Variants in CSMD3 observed in about 807,000 individuals in gnomAD.
CSMD3 encodes CUB and sushi domain-containing protein 3.
In CSMD3, 177 loss-of-function variants were observed where a neutral mutation model predicts 435.2. The ratio of observed to expected loss-of-function variants is 0.41; its 90% confidence interval spans 0.36 to 0.46. CSMD3 has a LOEUF of 0.46. CSMD3 is among the 20% of genes least tolerant of loss of function. The pLI, the probability that CSMD3 is intolerant of heterozygous loss-of-function variation, is 0.34. For synonymous variants in CSMD3, 1,656 were observed against 1,520.5 expected (o/e 1.09, Z -2.07); for missense variants, 4,265 against 4,504.6 (o/e 0.95, Z 1.52).
intron 59 of CSMD3, among the ~76,000 whole-genome samples, chr8:112,274,205 A>T (rs1451836791): frequency 2.7e-5 from 4 of 145,718 alleles, no homozygotes; most frequent in African/African-American, 5.1e-5. Context: ...GAACCAAAAG[A>T]AAAAAAAAAA....
chr8:112,406,348 C>T lies in CSMD3; in HGVS notation c.5809+176G>A, dbSNP rs1239531947. 2.6e-5 allele frequency among the ~76,000 whole-genome samples: 4 copies of T among 151,894 alleles called. No homozygotes were observed. The East Asian group carries it at 7.7e-4, about 29-fold the overall frequency. The stretch of plus-strand genomic sequence containing the variant: ...ACAAATTTTTTTATTGATTTCATCA[C>T]CAAGACAATTGCAACAAATCTCCAC... On this transcript the variant is annotated intron_variant, in intron 35 of 70. Transcript: ENST00000297405.
chr8:112,289,020 G>T (rs760428837), intron 57 of CSMD3, among the ~76,000 whole-genome samples: 1 of 152,130 alleles, frequency 6.6e-6, no homozygotes, highest in East Asian at 1.9e-4. Context: ...ATTATATGTG[G>T]TATCTGCTAA....
chr8:112,601,070 T>G (rs1162470177), intron 22 of CSMD3, among the ~76,000 whole-genome samples: 5 of 152,174 alleles, frequency 3.3e-5, no homozygotes, highest in Middle Eastern at 6.8e-3. Context: ...AGAGATTCAT[T>G]ATTCTTGGAA....
chr8:112,723,253 GA>G (rs1161910254), intron 13 of CSMD3, among the ~76,000 whole-genome samples: 1 of 152,036 alleles, frequency 6.6e-6, no homozygotes, highest in Non-Finnish European at 1.5e-5. Context: ...ATTTTCTTAT[GA>G]ATTTTCTTGC....
rs566213131 is a variant in CSMD3, at chr8:112,280,752, C to T, written c.9508+422G>A. Among the ~76,000 whole-genome samples, 10 of 152,150 alleles carry T rather than the reference C, an allele frequency of 6.6e-5. No homozygotes were observed. In the East Asian group the frequency reaches 9.6e-4, roughly 15 times the overall value. On this transcript the variant is annotated intron_variant, in intron 59 of 70. Transcript: ENST00000297405. ...CATAACAAGAGAGCAAATCAGTTATCGAGACTCACTACGACAGTGCAAGAA... is the reference window on the plus strand; with the variant it reads ...CATAACAAGAGAGCAAATCAGTTATTGAGACTCACTACGACAGTGCAAGAA...
chr8:112,843,894 A>T (rs2080248092), intron 11 of CSMD3, among the ~76,000 whole-genome samples: 1 of 151,746 alleles, frequency 6.6e-6, no homozygotes, highest in South Asian at 2.1e-4. Context: ...TTATATTAAT[A>T]TTATTATTTG....
intron 1 of CSMD3, among the ~76,000 whole-genome samples, chr8:113,406,552 G>C (rs1320343535): frequency 6.6e-6 from 1 of 151,944 alleles, no homozygotes; most frequent in African/African-American, 2.4e-5. Flanking sequence ...GTGGGTTGTA[G>C]TCTAAATAGT....
intron 22 of CSMD3, among the ~76,000 whole-genome samples, chr8:112,628,230 T>G (rs1023898052): frequency 1.3e-5 from 2 of 152,206 alleles, no homozygotes; most frequent in African/African-American, 4.8e-5. Flanking sequence ...TGTTAAGCTC[T>G]GAATTTTACT....
chr8:112,349,388 C>T (rs886107519), intron 40 of CSMD3, among the ~76,000 whole-genome samples: 44 of 152,024 alleles, frequency 2.9e-4, no homozygotes, highest in African/African-American at 1.0e-3. Flanking sequence ...TATCCCAAGC[C>T]TTTACATTAA....
chr8:112,706,526 G>A (rs1000430077), intron 13 of CSMD3, among the ~76,000 whole-genome samples: 49 of 152,046 alleles, frequency 3.2e-4, no homozygotes, highest in Non-Finnish European at 1.5e-4. Flanking sequence ...GAGGTAGCTC[G>A]TGACTTTTTA....
At chr8:112,728,604 C>T (rs1211168434) in intron 13 of CSMD3, among the ~76,000 whole-genome samples, 1 of 151,862 alleles carries the variant, frequency 6.6e-6, no homozygotes, top group African/African-American at 2.4e-5. Context: ...GCTAGCCAAG[C>T]CCCTTCTTCT....
At chr8:112,601,898 T>C (rs1044446550) in intron 22 of CSMD3, among the ~76,000 whole-genome samples, 1 of 152,176 alleles carries the variant, frequency 6.6e-6, no homozygotes, top group African/African-American at 2.4e-5. Flanking sequence ...TCCTAAACCA[T>C]AGGTATTAGG....
At chr8:113,376,573 T>G (rs561272963) in intron 1 of CSMD3, 1 of 688,658 alleles carries the variant, frequency 1.5e-6, no homozygotes, top group East Asian at 3.0e-5. Context: ...AATAAACTAA[T>G]ATATAAAAAA....
In CSMD3 at chr8:113,323,468, C is replaced by A. The variant is rs568322735; in HGVS notation, c.179-8675G>T. 4.6e-5 allele frequency among the ~76,000 whole-genome samples: 7 copies of A among 152,256 alleles called. 1 individual carries two copies. The South Asian group carries it at 1.4e-3, about 32-fold the overall frequency. On this transcript the variant is annotated intron_variant, in intron 1 of 70. Coordinates refer to ENST00000297405, the MANE Select transcript of CSMD3 (RefSeq NM_198123.2). ...AGCTCCAAATTTGTTCAAGGCTCAACCTGATCCTGTTAGAATCAAGTTTAA... is the reference window on the plus strand; with the variant it reads ...AGCTCCAAATTTGTTCAAGGCTCAAACTGATCCTGTTAGAATCAAGTTTAA...
chr8:112,432,189 T>C (rs1288262888), intron 32 of CSMD3, among the ~76,000 whole-genome samples: 1 of 152,182 alleles, frequency 6.6e-6, no homozygotes, highest in African/African-American at 2.4e-5. Flanking sequence ...ATAAATATTT[T>C]CCTGTAATGC....
At chr8:112,743,285 T>C (rs2077352657) in intron 13 of CSMD3, among the ~76,000 whole-genome samples, 1 of 151,120 alleles carries the variant, frequency 6.6e-6, no homozygotes, top group African/African-American at 2.4e-5. Context: ...AATTAAGGCT[T>C]ACATTCTCAC....
chr8:113,114,743 T>C (rs2090771969), intron 4 of CSMD3, among the ~76,000 whole-genome samples: 1 of 152,150 alleles, frequency 6.6e-6, no homozygotes, highest in South Asian at 2.1e-4. Flanking sequence ...TTATAGGTAT[T>C]TTTAAATGTT....
At chr8:112,846,724 T>C (rs2080332644) in intron 11 of CSMD3, among the ~76,000 whole-genome samples, 1 of 151,932 alleles carries the variant, frequency 6.6e-6, no homozygotes, top group African/African-American at 2.4e-5. Context: ...TCTTTATTGA[T>C]ATTTATTTAT....
At chr8:113,380,708 A>G (rs888691706) in intron 1 of CSMD3, among the ~76,000 whole-genome samples, 2 of 152,156 alleles carry the variant, frequency 1.3e-5, no homozygotes, top group Admixed American at 6.5e-5. Context: ...TCTCAAGCAA[A>G]TAGATATTTA....
Sources: gnomAD v4.1 joint callset for allele counts (sites outside exome capture counted in the v4.1 genomes callset) on GRCh38, gnomAD v4.1.1 for gene constraint, MANE v1.5 for transcripts, NCBI Gene and HGNC (gene_info 2026-07-23, HGNC 2026-07-21) for gene names.